WDPCP: variants seen among roughly 807,000 people sequenced by gnomAD.
The protein encoded by WDPCP is WD repeat-containing and planar cell polarity effector protein fritz homolog.
In WDPCP, 71 loss-of-function variants were observed where a neutral mutation model predicts 93.1. That is an observed-to-expected ratio of 0.76 (90% CI 0.63 to 0.93). The LOEUF (loss-of-function observed/expected upper bound fraction) is 0.93, where lower values mean the gene tolerates loss of function less well. WDPCP is among the 40% of genes least tolerant of loss of function. The pLI, the probability that WDPCP is intolerant of heterozygous loss-of-function variation, is 0.00. For synonymous variants in WDPCP, 315 were observed against 315.0 expected (o/e 1.00, Z 0.00); for missense variants, 844 against 887.4 (o/e 0.95, Z 0.62).
chr2:63,217,122 G>A (rs1383252243), intron 14 of WDPCP, among the ~76,000 whole-genome samples: 1 of 152,230 alleles, frequency 6.6e-6, no homozygotes, highest in African/African-American at 2.4e-5. Flanking sequence ...AATCCAGGCT[G>A]ATGCCTGTTA....
intron 9 of WDPCP, among the ~76,000 whole-genome samples, chr2:63,427,350 T>C (rs1488462996): frequency 6.6e-6 from 1 of 152,142 alleles, no homozygotes; most frequent in East Asian, 1.9e-4. Context: ...AAAGCAAGTA[T>C]CAATAAATTT....
chr2:63,532,565 A>C (rs1377014505), intron 1 of WDPCP, among the ~76,000 whole-genome samples: 2 of 152,224 alleles, frequency 1.3e-5, no homozygotes, highest in African/African-American at 2.4e-5. Context: ...CAACATTCTC[A>C]AAGAAAAGAA....
At chr2:63,399,265 A>G (rs1283841806) in intron 10 of WDPCP, among the ~76,000 whole-genome samples, 1 of 152,124 alleles carries the variant, frequency 6.6e-6, no homozygotes, top group Non-Finnish European at 1.5e-5. Context: ...TTCTCTTCCA[A>G]GAGACCTTCT....
intron 2 of WDPCP, among the ~76,000 whole-genome samples, chr2:63,759,038 C>T (rs1465490479): frequency 6.6e-6 from 1 of 152,022 alleles, no homozygotes; most frequent in Non-Finnish European, 1.5e-5. Context: ...GCTTTGGCCT[C>T]CCAAAGTGCT....
intron 2 of WDPCP, among the ~76,000 whole-genome samples, chr2:63,728,730 C>T (rs561795297): frequency 6.6e-6 from 1 of 152,220 alleles, no homozygotes; most frequent in Admixed American, 6.5e-5. Context: ...TGGCATCCTT[C>T]CACTCAGTGC....
At chr2:63,198,667 A>T (rs1423613313) in intron 14 of WDPCP, among the ~76,000 whole-genome samples, 1 of 152,144 alleles carries the variant, frequency 6.6e-6, no homozygotes, top group African/African-American at 2.4e-5. Flanking sequence ...TCGCCCTTCA[A>T]CTTCTGCCAT....
Position 63,437,479 on chromosome 2 carries a change from T to G in WDPCP, c.575A>C (p.Lys192Thr). 6.2e-7 allele frequency: 1 copy of G among 1,603,596 alleles called. No individual in the cohort carries two copies. The highest frequency in any genetic ancestry group is 8.5e-7 in the Non-Finnish European group (1 of 1,175,368). The change falls in exon 8 of 18, where the codon AAG (lysine) becomes ACG (threonine). Residue 192 changes from lysine to threonine, a missense_variant. Transcript: ENST00000272321. The part of the protein sequence containing the change: ...NKLCFIQFTK[K>T]MESSDVNKRL... Reference sequence around the variant, plus strand: ...TTTGTTTACATCAGAAGACTCCATCTTCTTGGTAAACTGAATAAAACATAG... The same window carrying G: ...TTTGTTTACATCAGAAGACTCCATCGTCTTGGTAAACTGAATAAAACATAG...
chr2:63,724,490 C>A (rs528639910), intron 2 of WDPCP, among the ~76,000 whole-genome samples: 2 of 152,222 alleles, frequency 1.3e-5, no homozygotes, highest in East Asian at 3.9e-4. Flanking sequence ...TTAAAAAAAT[C>A]ACAATTCCTC....
intron 2 of WDPCP, among the ~76,000 whole-genome samples, chr2:63,703,110 C>G (rs1167807952): frequency 2.2e-4 from 34 of 152,080 alleles, no homozygotes; most frequent in Admixed American, 2.2e-3. Flanking sequence ...TTTTCTTAAT[C>G]CAGTCTATCA....
chr2:63,130,938 G>T (rs1404777208), intron 17 of WDPCP, among the ~76,000 whole-genome samples: 1 of 152,024 alleles, frequency 6.6e-6, no homozygotes, highest in Non-Finnish European at 1.5e-5. Context: ...CTTTAATCAT[G>T]TATTATCCTT....
At chr2:63,322,857 A>G (rs1453801016) in intron 12 of WDPCP, among the ~76,000 whole-genome samples, 1 of 152,020 alleles carries the variant, frequency 6.6e-6, no homozygotes, top group African/African-American at 2.4e-5. Context: ...TTCGCTTGCT[A>G]TTCTTTCCTA....
intron 14 of WDPCP, among the ~76,000 whole-genome samples, chr2:63,215,369 C>A (rs1224019079): frequency 6.6e-6 from 1 of 152,150 alleles, no homozygotes; most frequent in Non-Finnish European, 1.5e-5. Flanking sequence ...AGATATAGAA[C>A]AATGGAACAG....
intron 2 of WDPCP, among the ~76,000 whole-genome samples, chr2:63,766,017 C>CA (rs913329143): frequency 1.2e-4 from 18 of 152,218 alleles, no homozygotes; most frequent in African/African-American, 4.3e-4. Context: ...CAGGGAGCCT[C>CA]AAAAGTTGTC....
At chr2:63,259,904 G>A (rs895042641) in intron 13 of WDPCP, among the ~76,000 whole-genome samples, 2 of 152,132 alleles carry the variant, frequency 1.3e-5, no homozygotes, top group Non-Finnish European at 2.9e-5. Context: ...GGAGTATGGC[G>A]ATCAATTATA....
chr2:63,185,325 GA>G (rs1246439761), intron 14 of WDPCP, among the ~76,000 whole-genome samples: 4 of 152,260 alleles, frequency 2.6e-5, no homozygotes, highest in African/African-American at 9.6e-5. Context: ...GTATTATGCA[GA>G]TTTTTTCTCA....
intron 14 of WDPCP, among the ~76,000 whole-genome samples, chr2:63,178,841 C>A (rs978709156): frequency 4.0e-5 from 6 of 151,152 alleles, no homozygotes; most frequent in African/African-American, 1.5e-4. Flanking sequence ...GTAAACATAG[C>A]CATAAACTTC....
At chr2:63,169,685 A>G (rs944282095) in intron 15 of WDPCP, among the ~76,000 whole-genome samples, 2 of 152,138 alleles carry the variant, frequency 1.3e-5, no homozygotes, top group African/African-American at 4.8e-5. Flanking sequence ...CAAGGAATCC[A>G]ATTATACAAA....
In WDPCP at chr2:63,373,251, G is replaced by GTTT. The variant is rs751961511; in HGVS notation, c.1748+5134_1748+5135insAAA. ...AAATTTTCTTTGTTTTCATTTTTTTGTTGTTTTTTTTTTTCTTTTAAATGA... is the reference window on the plus strand; with the variant it reads ...AAATTTTCTTTGTTTTCATTTTTTTGTTTTTGTTTTTTTTTTTCTTTTAAATGA... On this transcript the variant is annotated intron_variant, in intron 12 of 17. Transcript: ENST00000272321. Among the ~76,000 whole-genome samples, 309 of 107,542 alleles carry GTTT rather than the reference G, an allele frequency of 2.9e-3. 4 individuals are homozygous for GTTT. The highest frequency in any genetic ancestry group is 9.6e-3 in the Middle Eastern group (2 of 208). 70.6% of individuals were successfully genotyped at this position (107,542 alleles called of 152,430 possible). A position where few individuals can be genotyped will look rare whatever the true frequency, so the allele number is the denominator to read the frequency against.
At chr2:63,598,482 G>A (rs1709359358) in intron 3 of WDPCP, among the ~76,000 whole-genome samples, 2 of 152,112 alleles carry the variant, frequency 1.3e-5, no homozygotes, top group Non-Finnish European at 2.9e-5. Flanking sequence ...TTGTCACCCA[G>A]CAAATAGGCT....
Sources: gnomAD v4.1 joint callset for allele counts (sites outside exome capture counted in the v4.1 genomes callset) on GRCh38, gnomAD v4.1.1 for gene constraint, MANE v1.5 for transcripts, NCBI Gene and HGNC (gene_info 2026-07-23, HGNC 2026-07-21) for gene names.